The following PRIM1 variants were observed in gnomAD, a reference collection of about 807,000 sequenced individuals.
PRIM1 encodes DNA primase small subunit.
A neutral mutation model predicts 60.2 loss-of-function variants in PRIM1; 38 were observed. The observed-to-expected ratio is 0.63, with a 90% confidence interval of 0.49 to 0.83. PRIM1 has a LOEUF of 0.83. Among genes scored for constraint, PRIM1 ranks in the 40% least tolerant of loss-of-function variants. The probability of loss-of-function intolerance (pLI) is 0.00; values close to 1 mark genes in which losing one functional copy is unlikely to be tolerated. For missense variants in PRIM1, 388 were observed against 506.2 expected, an observed-to-expected ratio of 0.77 and a Z score of 2.24; for synonymous variants, 158 against 160.2, an observed-to-expected ratio of 0.99 and a Z score of 0.10.
chr12:56,747,573 G>C (rs1953916606), intron 2 of PRIM1, among the ~76,000 whole-genome samples: 1 of 152,062 alleles, frequency 6.6e-6, no homozygotes, highest in Admixed American at 6.6e-5. Context: ...TGGTGAAACT[G>C]TCTCCCTACT....
intron 7 of PRIM1, among the ~76,000 whole-genome samples, chr12:56,742,395 C>A (rs1296716573): frequency 1.3e-5 from 2 of 151,278 alleles, no homozygotes; most frequent in East Asian, 2.0e-4. Context: ...CATGGTGAGA[C>A]CCCGTCTCTA....
chr12:56,743,990 G>T, intron 6 of PRIM1, 75 bp downstream of exon 6: 1 of 1,044,240 alleles, frequency 9.6e-7, no homozygotes, highest in South Asian at 1.5e-5. Context: ...AGTGAAAATT[G>T]ATAGCAAGGT....
chr12:56,734,305 C>T, intron 11 of PRIM1, 60 bp from the exon 12 acceptor site: 2 of 1,078,544 alleles, frequency 1.9e-6, no homozygotes, highest in South Asian at 2.9e-5. Flanking sequence ...AACATGAAAA[C>T]ACAACTAAGT....
intron 2 of PRIM1, among the ~76,000 whole-genome samples, chr12:56,748,676 C>T (rs1953925425): frequency 6.7e-6 from 1 of 149,018 alleles, no homozygotes; most frequent in Admixed American, 6.7e-5. Flanking sequence ...GCTTCTGGGT[C>T]TGGGTGTGGT....
chr12:56,750,088 G>A (rs775706643), intron 2 of PRIM1, among the ~76,000 whole-genome samples: 5 of 152,212 alleles, frequency 3.3e-5, no homozygotes, highest in Non-Finnish European at 7.3e-5. Context: ...GAAACAGCTT[G>A]AGCAAGGGTC....
chr12:56,741,601 T>G (rs1953872319), intron 8 of PRIM1, 25 bp from the exon 9 acceptor site: 2 of 1,604,478 alleles, frequency 1.2e-6, no homozygotes. Context: ...AAGGCCAACA[T>G]GAGGATCAGT....
At chr12:56,737,841 C>CA in intron 11 of PRIM1, among the ~76,000 whole-genome samples, 1 of 152,170 alleles carries the variant, frequency 6.6e-6, no homozygotes, top group African/African-American at 2.4e-5. Context: ...TCTCCTGACT[C>CA]AGCTTCCCGA....
At chr12:56,751,832 A>T (rs1403498353) in intron 1 of PRIM1, 1 of 163,326 alleles carries the variant, frequency 6.1e-6, no homozygotes, top group Admixed American at 6.4e-5. Context: ...CCTCTGAGAG[A>T]GGCTCTTCCG....
At chr12:56,742,529 A>C (rs555809977) in intron 7 of PRIM1, among the ~76,000 whole-genome samples, 1 of 151,572 alleles carries the variant, frequency 6.6e-6, no homozygotes, top group African/African-American at 2.4e-5. Flanking sequence ...AGATCACACC[A>C]CTGCACACTC....
At chr12:56,745,950 A>T (rs1465801420) in intron 5 of PRIM1, 95 bp downstream of exon 5, 19 of 1,344,314 alleles carry the variant, frequency 1.4e-5, no homozygotes, top group African/African-American at 3.0e-5. Context: ...AAAAAAAAAA[A>T]AAAAGATAGT....
intron 9 of PRIM1, 94 bp from the exon 10 acceptor site, chr12:56,739,457 A>G (rs1307163512): frequency 2.6e-6 from 2 of 781,030 alleles, no homozygotes; most frequent in African/African-American, 3.5e-5. Flanking sequence ...TTTTTATTTA[A>G]GGCTTAGACA....
chr12:56,733,179 C>A (rs1245215090), intron 12 of PRIM1, among the ~76,000 whole-genome samples: 3 of 111,794 alleles, frequency 2.7e-5, no homozygotes, highest in Admixed American at 1.0e-4. Context: ...TTTTTTGAGA[C>A]GGAGTTTTGC....
chr12:56,748,620 C>G (rs540688271), intron 2 of PRIM1, among the ~76,000 whole-genome samples: 3 of 142,016 alleles, frequency 2.1e-5, no homozygotes, highest in East Asian at 4.2e-4. Flanking sequence ...GAGCGAGACT[C>G]TGTCTCAAAA....
intron 5 of PRIM1, 26 bp from the exon 6 acceptor site, chr12:56,744,149 A>T (rs1456368438): frequency 6.8e-7 from 1 of 1,471,018 alleles, no homozygotes. Context: ...TTAAAAAAGA[A>T]CTTCAGGTAT....
At position 56,746,504 on chromosome 12, in the gene PRIM1, G is replaced by A. The variant is rs1001892681; in HGVS notation, c.442+277C>T. Reference sequence around the variant, plus strand: ...AAATTAACTGGGCGTGGTGGCGTGCGCCTGTAGTCCCAGCTACTCAGGAGG... The same window carrying A: ...AAATTAACTGGGCGTGGTGGCGTGCACCTGTAGTCCCAGCTACTCAGGAGG... On this transcript the variant is annotated intron_variant, in intron 4 of 12. Coordinates refer to ENST00000338193, the MANE Select transcript of PRIM1 (RefSeq NM_000946.3). 1.6e-5 allele frequency: 9 copies of A among 556,928 alleles called. No homozygotes were observed. The East Asian group carries it at 2.0e-4, about 12-fold the overall frequency. 34.5% of individuals were successfully genotyped at this position (556,928 alleles called of 1,614,324 possible). A position where few individuals can be genotyped will look rare whatever the true frequency, so the allele number is the denominator to read the frequency against.
intron 10 of PRIM1, 103 bp downstream of exon 10, chr12:56,739,191 A>G: frequency 1.2e-6 from 1 of 866,684 alleles, no homozygotes. Flanking sequence ...ATAACCAAAT[A>G]TACCATTCCC....
chr12:56,737,335 C>T (rs186015760), intron 11 of PRIM1, among the ~76,000 whole-genome samples: 27 of 148,692 alleles, frequency 1.8e-4, no homozygotes, highest in Admixed American at 9.0e-4. Flanking sequence ...GGGAGTGCTG[C>T]GCTGCTATGC....
At chr12:56,738,378 T>C (rs1953848450) in intron 11 of PRIM1, 56 bp downstream of exon 11, 4 of 1,526,472 alleles carry the variant, frequency 2.6e-6, no homozygotes, top group Non-Finnish European at 3.5e-6. Flanking sequence ...GAGTGACAGA[T>C]GGATATCTAT....
intron 2 of PRIM1, among the ~76,000 whole-genome samples, chr12:56,748,630 A>G (rs1240612565): frequency 2.6e-5 from 4 of 151,428 alleles, no homozygotes; most frequent in Non-Finnish European, 4.4e-5. Flanking sequence ...CTGTCTCAAA[A>G]AAAAAAAAAA....
Sources: gnomAD v4.1 joint callset for allele counts (sites outside exome capture counted in the v4.1 genomes callset) on GRCh38, gnomAD v4.1.1 for gene constraint, MANE v1.5 for transcripts, NCBI Gene and HGNC (gene_info 2026-07-23, HGNC 2026-07-21) for gene names.